Variants in RTL1 observed in about 807,000 individuals in gnomAD.
The protein encoded by RTL1 is retrotransposon-like protein 1.
For synonymous variants in RTL1, 727 were observed against 748.4 expected, an observed-to-expected ratio of 0.97 and a Z score of 0.47; for missense variants, 1,681 against 1,767.5, an observed-to-expected ratio of 0.95 and a Z score of 0.88.
chr14:100,881,266 G>T lies in RTL1; in HGVS notation c.3523C>A (p.Arg1175=), dbSNP rs1181083648. The change falls in exon 4 of 4, where the codon CGA becomes AGA. Residue 1175 remains arginine, a synonymous_variant. Transcript: ENST00000649591. This position sits in a 1 kb window ranked among gnomAD's most constrained non-coding sequence, Gnocchi z 6.6. ...ELFLGPGRWQ[R]NALHSQAHRG... is the part of the protein sequence containing the mutation. ...TGGGCCTGGGAGTGCAGAGCATTTCGCTGCCAGCGGCCAGGGCCCAGGAAC... is the reference window on the plus strand; with the variant it reads ...TGGGCCTGGGAGTGCAGAGCATTTCTCTGCCAGCGGCCAGGGCCCAGGAAC... 13 of 1,550,052 alleles carry T rather than the reference G, an allele frequency of 8.4e-6. No homozygotes were observed. The highest frequency in any genetic ancestry group is 1.7e-4 in the Middle Eastern group (1 of 5,986).
rs1163194601 is a variant in RTL1 at position 100,893,107 on chromosome 14, G to A, written c.-87+337C>T. Reference sequence around the variant, plus strand: ...CCATGGTGTTGATACTGCCAGCCTCGTGGCCTGAGGGGCATCCAGACCACA... The same window carrying A: ...CCATGGTGTTGATACTGCCAGCCTCATGGCCTGAGGGGCATCCAGACCACA... On this transcript the variant is annotated intron_variant, in intron 3 of 3. Coordinates refer to ENST00000649591, the MANE Select transcript of RTL1 (RefSeq NM_001134888.3). The surrounding 1 kb of genome is among the most constrained non-coding windows in gnomAD (Gnocchi z 4.2). 1.3e-5 allele frequency among the ~76,000 whole-genome samples: 2 copies of A among 152,110 alleles called. No homozygotes were observed. Among genetic ancestry groups the A allele is most frequent in the African/African-American group, 4.8e-5 (2 of 41,418 alleles).
intron 2 of RTL1, among the ~76,000 whole-genome samples, chr14:100,896,997 A>G (rs2038866596): frequency 6.6e-6 from 1 of 152,158 alleles, no homozygotes; most frequent in Non-Finnish European, 1.5e-5. Context: ...AAGACCAAAA[A>G]GTAAAGCACT....
intron 2 of RTL1, among the ~76,000 whole-genome samples, chr14:100,898,774 G>A (rs2038902962): frequency 6.6e-6 from 1 of 152,222 alleles, no homozygotes; most frequent in Admixed American, 6.5e-5. Flanking sequence ...ATCCCTGTTG[G>A]GGAGCCCAAA....
Position 100,882,591 on chromosome 14 carries a change from T to C in RTL1, c.2198A>G (p.Gln733Arg). 1.9e-6 allele frequency: 3 copies of C among 1,551,788 alleles called. No homozygotes were observed. The highest frequency in any genetic ancestry group is 2.6e-6 in the Non-Finnish European group (3 of 1,147,028). ...MLGFFVLSYG[Q>R]EVLIYSMSQE... is the part of the protein sequence containing the mutation. ...ACTCATTGAGTAGATCAGGACTTCC[T>C]GGCCATAAGAAAGCACAAAGAACCC... is the stretch of plus-strand genomic sequence containing the variant. Residue 733 changes from glutamine to arginine, a missense_variant, in exon 4 of 4, where the codon CAG becomes CGG. Physicochemically the swap from Gln to Arg is conservative, Grantham distance 43. Transcript: ENST00000649591.
At chr14:100,887,749 C>CA (rs34761296) in intron 3 of RTL1, among the ~76,000 whole-genome samples, 31,270 of 146,796 alleles carry the variant, frequency 0.21, 4,648 homozygotes, top group East Asian at 0.55. Flanking sequence ...GATTCCCTCT[C>CA]AAAAAAAAAA....
Position 100,883,200 on chromosome 14 carries a change from C to CAGTA in RTL1, c.1585_1588dup (p.Cys530LeufsTer39), listed in dbSNP as rs2038644793. 6.4e-7 allele frequency: 1 copy of CAGTA among 1,559,852 alleles called. No homozygotes were observed. ...GGGCGGGCGGAAGCAGTTCTTCAGG[C>CAGTA]AGTAGGGAGAGTGGAAGGTGCAGCG... is the stretch of plus-strand genomic sequence containing the variant. On this transcript the variant is annotated frameshift_variant, in exon 4 of 4. Coordinates refer to ENST00000649591, the MANE Select transcript of RTL1 (RefSeq NM_001134888.3). LOFTEE classifies it low-confidence loss of function (END_TRUNC). The surrounding 1 kb of genome is among the most constrained non-coding windows in gnomAD (Gnocchi z 5.9).
At position 100,883,416 on chromosome 14, in the gene RTL1, G is replaced by A. The variant is rs776024534; in HGVS notation, c.1373C>T (p.Pro458Leu). 1.2e-5 allele frequency: 18 copies of A among 1,550,282 alleles called. No homozygotes were observed. The highest frequency in any genetic ancestry group is 6.0e-5 in the South Asian group (5 of 84,026). The change falls in exon 4 of 4, where the codon CCG (proline) becomes CTG (leucine). Residue 458 changes from proline (P) to leucine (L), a missense_variant. Transcript: ENST00000649591. The surrounding 1 kb of genome is among the most constrained non-coding windows in gnomAD (Gnocchi z 5.9). ...VELYEKPYPQ[P>L]VQSVDGSLIG... ...CAGCGAGCCGTCCACGGATTGGACC[G>A]GCTGTGGGTACGGCTTCTCGTAGAG... is the stretch of plus-strand genomic sequence containing the variant.
chr14:100,896,268 T>C (rs566256708), intron 2 of RTL1, among the ~76,000 whole-genome samples: 2 of 152,098 alleles, frequency 1.3e-5, no homozygotes, highest in African/African-American at 4.8e-5. Context: ...AAAGTCATGG[T>C]TGAAAATAGG....
At chr14:100,891,751 G>A (rs1373508656) in intron 3 of RTL1, among the ~76,000 whole-genome samples, 1 of 152,214 alleles carries the variant, frequency 6.6e-6, no homozygotes, top group African/African-American at 2.4e-5. Context: ...TGCCTTTCAA[G>A]GCAAGTGGGC....
chr14:100,895,511 A>C (rs763150283), intron 2 of RTL1, among the ~76,000 whole-genome samples: 5 of 152,192 alleles, frequency 3.3e-5, no homozygotes, highest in Non-Finnish European at 5.9e-5. Context: ...TTTTAGGTGG[A>C]TCTGCCGCCG....
At chr14:100,901,298 C>T (rs923883831) in intron 2 of RTL1, among the ~76,000 whole-genome samples, 38 of 152,366 alleles carry the variant, frequency 2.5e-4, no homozygotes, top group Middle Eastern at 3.4e-3. Context: ...CACACGCACA[C>T]GCACAGACAT....
At position 100,881,119 on chromosome 14, in the gene RTL1, C is replaced by G. The variant is rs568499561; in HGVS notation, c.3670G>C (p.Val1224Leu). 1 of 1,574,360 alleles carries G rather than the reference C, an allele frequency of 6.4e-7. No homozygotes were observed. Among genetic ancestry groups the G allele is most frequent in the Non-Finnish European group, 8.6e-7 (1 of 1,159,076 alleles). ...AAGACGACATCCTCATCACCAACGACGTGCAGCTCCAGGTAGCGGTTCTGA... is the reference window on the plus strand; with the variant it reads ...AAGACGACATCCTCATCACCAACGAGGTGCAGCTCCAGGTAGCGGTTCTGA... ...LRQNRYLELH[V>L]VGDEDVVLRE... Residue 1224 changes from valine to leucine, a missense_variant, in exon 4 of 4, where the codon GTC becomes CTC. Physicochemically the swap from Val to Leu is conservative, Grantham distance 32. Coordinates refer to ENST00000649591, the MANE Select transcript of RTL1 (RefSeq NM_001134888.3). The surrounding 1 kb of genome is among the most constrained non-coding windows in gnomAD (Gnocchi z 6.6).
At chr14:100,890,525 A>C (rs1242193602) in intron 3 of RTL1, among the ~76,000 whole-genome samples, 2 of 151,474 alleles carry the variant, frequency 1.3e-5, no homozygotes, top group East Asian at 3.9e-4. Flanking sequence ...CTGAGGAGGA[A>C]GGTGAAGCTG....
At position 100,882,201 on chromosome 14, in the gene RTL1, G is replaced by A. The variant is rs1428856167; in HGVS notation, c.2588C>T (p.Ala863Val). The A allele has an allele frequency of 3.9e-6, 6 of 1,550,424 alleles. No homozygotes were observed. Among genetic ancestry groups the A allele is most frequent in the Admixed American group, 3.9e-5 (2 of 50,982 alleles). The change falls in exon 4 of 4, where the codon GCG (alanine) becomes GTG (valine). Residue 863 changes from alanine to valine, a missense_variant. Coordinates refer to ENST00000649591, the MANE Select transcript of RTL1 (RefSeq NM_001134888.3). ...GGGCTTGGGGTGGTGGAGGAGAGGC[G>A]CCTTGCGGAAAGCCCTCTTCAGGCA... Reference protein sequence around the residue: ...FECLKRAFRKAPLLHHPKPQN... With the variant: ...FECLKRAFRKVPLLHHPKPQN...
Position 100,882,215 on chromosome 14 carries a change from C to T in RTL1, c.2574G>A (p.Arg858=), listed in dbSNP as rs1303894099. 39 of 1,550,850 alleles carry T rather than the reference C, an allele frequency of 2.5e-5. 1 individual carries two copies. The Admixed American group carries it at 6.5e-4, about 26-fold the overall frequency. The part of the protein sequence containing the change: ...EEQEAFECLK[R]AFRKAPLLHH... ...GGAGGAGAGGCGCCTTGCGGAAAGC[C>T]CTCTTCAGGCACTCGAAGGCCTCTT... is the stretch of plus-strand genomic sequence containing the variant. The change falls in exon 4 of 4, where the codon AGG becomes AGA. Residue 858 remains arginine, a synonymous_variant. Transcript: ENST00000649591.
In RTL1 at chr14:100,882,457, G is replaced by T. The variant is rs1471178575; in HGVS notation, c.2332C>A (p.Leu778Met). 4.5e-6 allele frequency: 7 copies of T among 1,551,982 alleles called. No individual in the cohort carries two copies. The highest frequency in any genetic ancestry group is 5.2e-6 in the Non-Finnish European group (6 of 1,147,118). The change falls in exon 4 of 4, where the codon CTG becomes ATG. Residue 778 changes from leucine (L) to methionine (M), a missense_variant. Leu to Met is a conservative substitution (Grantham distance 15, BLOSUM62 2). Coordinates refer to ENST00000649591, the MANE Select transcript of RTL1 (RefSeq NM_001134888.3). Reference protein sequence around the residue: ...SQFHRQTVEFLGFVVTPKGVK... With the variant: ...SQFHRQTVEFMGFVVTPKGVK... ...CCTTTGGGGGTGACGACGAAGCCCA[G>T]GAATTCCACGGTTTGGCGGTGGAAC...
At chr14:100,892,750 G>A (rs2038798823) in intron 3 of RTL1, among the ~76,000 whole-genome samples, 1 of 152,084 alleles carries the variant, frequency 6.6e-6, no homozygotes. Flanking sequence ...GGGTACGTGC[G>A]GAAGACGGAA....
intron 3 of RTL1, among the ~76,000 whole-genome samples, chr14:100,890,597 A>T (rs1456195158): frequency 6.6e-6 from 1 of 151,934 alleles, no homozygotes; most frequent in Non-Finnish European, 1.5e-5. Context: ...GTTCTCTGGA[A>T]TGCTGGCCAT....
intron 2 of RTL1, among the ~76,000 whole-genome samples, chr14:100,900,530 C>T (rs2038927494): frequency 6.6e-6 from 1 of 152,260 alleles, no homozygotes; most frequent in Admixed American, 6.5e-5. Context: ...CCCTGCGCTT[C>T]ATGCCAGAAT....
Sources: allele counts gnomAD v4.1 joint callset (sites outside exome capture counted in the v4.1 genomes callset), GRCh38; gene constraint gnomAD v4.1.1; non-coding constraint Gnocchi (gnomAD v3.1); transcripts MANE v1.5; gene names NCBI Gene and HGNC (gene_info 2026-07-23, HGNC 2026-07-21).